Variants in ADGRB3 observed in about 807,000 individuals in gnomAD.
The protein encoded by ADGRB3 is adhesion G protein-coupled receptor B3.
ADGRB3 carries 37 observed loss-of-function variants against 193.4 expected under a neutral mutation model. That is an observed-to-expected ratio of 0.19 (90% CI 0.15 to 0.25). The LOEUF (loss-of-function observed/expected upper bound fraction) is 0.25. Among genes scored for constraint, ADGRB3 ranks in the 10% least tolerant of loss-of-function variants. The probability of loss-of-function intolerance (pLI) is 1.00; values close to 1 mark genes in which losing one functional copy is unlikely to be tolerated. For missense variants in ADGRB3, 1,637 were observed against 1,852.9 expected, an observed-to-expected ratio of 0.88 and a Z score of 2.14; for synonymous variants, 690 against 644.2, an observed-to-expected ratio of 1.07 and a Z score of -1.08.
rs193275057 is a variant in ADGRB3, at chr6:68,942,531, G to A, written c.1031-1299G>A. The stretch of plus-strand genomic sequence containing the variant: ...CTTTTTATTGATGTTGTCTATTAGG[G>A]TGCTATTATGTATTGTCTCAAGTAT... On this transcript the variant is annotated intron_variant, in intron 5 of 31. Transcript: ENST00000370598. Among the ~76,000 whole-genome samples the A allele has an allele frequency of 3.8e-3, 574 of 152,164 alleles. 6 individuals are homozygous for A. The highest frequency in any genetic ancestry group is 5.0e-3 in the Non-Finnish European group (338 of 67,990).
Position 68,933,438 on chromosome 6 carries a change from G to A in ADGRB3, c.868+2769G>A, listed in dbSNP as rs1024183785. Among the ~76,000 whole-genome samples, 12 of 151,926 alleles carry A rather than the reference G, an allele frequency of 7.9e-5. No homozygotes were observed. In the East Asian group the frequency reaches 1.8e-3, roughly 22 times the overall value. ...GAAACCCCGTCTCTACTAAAAATAC[G>A]AAAAATTAGCTGGGTGTGGTGGCGC... is the stretch of plus-strand genomic sequence containing the variant. On this transcript the variant is annotated intron_variant, in intron 4 of 31. Coordinates refer to ENST00000370598, the MANE Select transcript of ADGRB3 (RefSeq NM_001704.3).
chr6:69,385,352 G>A (rs1770046576), intron 31 of ADGRB3, among the ~76,000 whole-genome samples: 1 of 152,000 alleles, frequency 6.6e-6, no homozygotes, highest in Admixed American at 6.6e-5. Flanking sequence ...AAAAGGAAAG[G>A]AGAAAAGAGA....
intron 30 of ADGRB3, among the ~76,000 whole-genome samples, chr6:69,373,256 A>C (rs781417507): frequency 5.9e-5 from 9 of 152,030 alleles, no homozygotes; most frequent in Non-Finnish European, 1.2e-4. Context: ...CAATACTCTT[A>C]ATTGATACTC....
At chr6:68,836,366 C>T (rs580182) in intron 3 of ADGRB3, among the ~76,000 whole-genome samples, 32,524 of 151,818 alleles carry the variant, frequency 0.21, 4,011 homozygotes, top group East Asian at 0.58. Context: ...TTCTGCTTTC[C>T]GTAATCTGTT....
chr6:69,271,666 A>C (rs1767182410), intron 20 of ADGRB3, among the ~76,000 whole-genome samples: 1 of 152,160 alleles, frequency 6.6e-6, no homozygotes, highest in Admixed American at 6.6e-5. Context: ...AGAAATGTAA[A>C]CATACTTAGT....
chr6:68,974,618 G>A, intron 8 of ADGRB3, 145 bp from the exon 9 acceptor site: 1 of 598,322 alleles, frequency 1.7e-6, no homozygotes, highest in Non-Finnish European at 2.9e-6. Flanking sequence ...CTGGGCAACA[G>A]AGTGAGACCC....
intron 31 of ADGRB3, 36 bp downstream of exon 31, chr6:69,382,971 T>C (rs1193985532): frequency 7.2e-7 from 1 of 1,388,700 alleles, no homozygotes; most frequent in Non-Finnish European, 1.0e-6. Context: ...GAGTAGAAGA[T>C]GCATCATGTC....
intron 3 of ADGRB3, among the ~76,000 whole-genome samples, chr6:68,718,566 C>T (rs1765523066): frequency 6.6e-6 from 1 of 151,712 alleles, no homozygotes; most frequent in Non-Finnish European, 1.5e-5. Context: ...TGCTGAAATT[C>T]CCTTCTCTCC....
chr6:68,840,577 C>T (rs1768136327), intron 3 of ADGRB3, among the ~76,000 whole-genome samples: 1 of 151,542 alleles, frequency 6.6e-6, no homozygotes. Context: ...CATGGGGAGA[C>T]TCCTCTGCTT....
chr6:69,287,368 T>C (rs576305959), intron 20 of ADGRB3, among the ~76,000 whole-genome samples: 142 of 152,286 alleles, frequency 9.3e-4, no homozygotes, highest in Non-Finnish European at 5.9e-5. Flanking sequence ...GAAAACTCTT[T>C]ACATGTGAAT....
Position 69,074,692 on chromosome 6 carries a change from C to A in ADGRB3, c.2437-1303C>A, listed in dbSNP as rs538689560. Reference sequence around the variant, plus strand: ...CCAGAGTAGCTGGGACTACAGGCGCCTGCCACCACGTCCTGCTAATTTTTT... The same window carrying A: ...CCAGAGTAGCTGGGACTACAGGCGCATGCCACCACGTCCTGCTAATTTTTT... On this transcript the variant is annotated intron_variant, in intron 16 of 31. Transcript: ENST00000370598. Among the ~76,000 whole-genome samples, 23 of 152,076 alleles carry A rather than the reference C, an allele frequency of 1.5e-4. No homozygotes were observed. In the East Asian group the frequency reaches 3.9e-3, roughly 26 times the overall value.
At chr6:68,858,592 CA>C (rs11458724) in intron 3 of ADGRB3, among the ~76,000 whole-genome samples, 2,792 of 93,390 alleles carry the variant, frequency 0.03, 36 homozygotes, top group Non-Finnish European at 0.037. Flanking sequence ...GACCCTGACT[CA>C]AAAAAAAAAA....
Position 69,326,236 on chromosome 6 carries a change from C to A in ADGRB3, c.2965+1214C>A, listed in dbSNP as rs567492598. 7.0e-4 allele frequency among the ~76,000 whole-genome samples: 106 copies of A among 152,234 alleles called. 1 individual carries two copies. The South Asian group carries it at 0.011, about 16-fold the overall frequency. On this transcript the variant is annotated intron_variant, in intron 21 of 31. Coordinates refer to ENST00000370598, the MANE Select transcript of ADGRB3 (RefSeq NM_001704.3). The stretch of plus-strand genomic sequence containing the variant: ...CCAACTTGTGTCACAGAGTAAGACC[C>A]TATCTCACACCAACACAAAAGTTGA...
intron 3 of ADGRB3, among the ~76,000 whole-genome samples, chr6:68,650,324 G>T (rs1011704963): frequency 2.0e-5 from 3 of 151,798 alleles, no homozygotes; most frequent in African/African-American, 4.8e-5. Context: ...GTTTTTTTCG[G>T]TATTTATCTG....
intron 1 of ADGRB3, among the ~76,000 whole-genome samples, chr6:68,636,727 A>G (rs1351974643): frequency 6.6e-6 from 1 of 152,220 alleles, no homozygotes; most frequent in Non-Finnish European, 1.5e-5. Context: ...CTCTCTGATC[A>G]TTGATGAGCA....
At chr6:68,957,161 T>A (rs1768099324) in intron 8 of ADGRB3, among the ~76,000 whole-genome samples, 1 of 152,238 alleles carries the variant, frequency 6.6e-6, no homozygotes, top group Non-Finnish European at 1.5e-5. Context: ...TGACCTTGAT[T>A]ATCTACATTT....
intron 15 of ADGRB3, among the ~76,000 whole-genome samples, chr6:69,056,131 G>A (rs563348524): frequency 6.6e-6 from 1 of 152,040 alleles, no homozygotes. Context: ...CGCCCAGCCT[G>A]TCTTTTGTTT....
intron 16 of ADGRB3, among the ~76,000 whole-genome samples, chr6:69,070,445 C>T (rs190352888): frequency 7.2e-5 from 11 of 152,212 alleles, no homozygotes; most frequent in African/African-American, 2.2e-4. Context: ...TCCATCGCCT[C>T]ACAAAGTTTC....
intron 20 of ADGRB3, among the ~76,000 whole-genome samples, chr6:69,315,086 C>A (rs188631520): frequency 3.1e-4 from 47 of 151,538 alleles, no homozygotes; most frequent in African/African-American, 1.1e-3. Context: ...ATTATAACAT[C>A]TATTTATTTG....
Sources: gnomAD v4.1 joint callset for allele counts (sites outside exome capture counted in the v4.1 genomes callset) on GRCh38, gnomAD v4.1.1 for gene constraint, MANE v1.5 for transcripts, NCBI Gene and HGNC (gene_info 2026-07-23, HGNC 2026-07-21) for gene names.